Variants in GATC observed in about 807,000 individuals in gnomAD.
GATC encodes the protein glutamyl-tRNA amidotransferase subunit C, also known as glutamyl-tRNA(Gln) amidotransferase subunit C, mitochondrial.
In GATC, 11 loss-of-function variants were observed where a neutral mutation model predicts 14.4. The observed-to-expected ratio is 0.77, with a 90% CI of 0.48 to 1.27. The LOEUF (loss-of-function observed/expected upper bound fraction) is 1.27. Ranked by LOEUF, GATC falls within the 50% of genes most tolerant of loss-of-function variation. The pLI is 0.00. For missense variants in GATC, 204 were observed against 183.0 expected (o/e 1.11, Z -0.66); for synonymous variants, 76 against 79.3 (o/e 0.96, Z 0.22).
intron 2 of GATC, among the ~76,000 whole-genome samples, chr12:120,453,830 AAAC>A (rs145076050): frequency 0.26 from 38,378 of 150,418 alleles, 5,700 homozygotes; most frequent in East Asian, 0.49. Flanking sequence ...AAAAAAAGTA[AAAC>A]AACAACAACA....
At chr12:120,449,534 C>T (rs1488240624) in intron 2 of GATC, among the ~76,000 whole-genome samples, 2 of 152,158 alleles carry the variant, frequency 1.3e-5, no homozygotes, top group African/African-American at 4.8e-5. Flanking sequence ...ACTGCAACCT[C>T]TGCCTCCTGG....
intron 2 of GATC, chr12:120,454,955 T>TCC (rs1287630422): frequency 4.4e-6 from 2 of 449,598 alleles, no homozygotes; most frequent in Non-Finnish European, 8.9e-6. Flanking sequence ...TGGTGTGATC[T>TCC]CCGCTCACTA....
Position 120,446,655 on chromosome 12 carries a change from A to C in GATC, c.82-2A>C, listed in dbSNP as rs1877874952. ...ACACTCCCCGCCTCATCCCTCCTCCAGGGCAGTGGCCGGATCACGGCTGCG... is the reference window on the plus strand; with the variant it reads ...ACACTCCCCGCCTCATCCCTCCTCCCGGGCAGTGGCCGGATCACGGCTGCG... On this transcript the variant is annotated splice_acceptor_variant, in intron 1 of 3. Coordinates refer to ENST00000551765, the MANE Select transcript of GATC (RefSeq NM_176818.3). LOFTEE classifies it high-confidence loss of function. The C allele has an allele frequency of 6.2e-7, 1 of 1,610,236 alleles. No homozygotes were observed. The highest frequency in any genetic ancestry group is 8.5e-7 in the Non-Finnish European group (1 of 1,178,202).
intron 1 of GATC, 41 bp from the exon 2 acceptor site, chr12:120,446,616 A>T (rs764365523): frequency 1.3e-6 from 2 of 1,592,412 alleles, no homozygotes; most frequent in Non-Finnish European, 1.7e-6. Context: ...GGCACTTCGG[A>T]GCGCCGGTGA....
intron 3 of GATC, among the ~76,000 whole-genome samples, chr12:120,458,503 C>G (rs1286061882): frequency 1.3e-5 from 2 of 152,354 alleles, no homozygotes; most frequent in East Asian, 1.9e-4. Context: ...TTTACAACAG[C>G]TGGTATAGAG....
chr12:120,461,392 T>C lies in GATC; in HGVS notation c.*1433T>C, dbSNP rs1420653786. 6.6e-6 allele frequency: 1 copy of C among 152,204 alleles called. No homozygotes were observed. The highest frequency in any genetic ancestry group is 1.5e-5 in the Non-Finnish European group (1 of 68,042). 9.4% of individuals were successfully genotyped at this position (152,204 alleles called of 1,614,324 possible). On this transcript the variant is annotated 3_prime_UTR_variant, in exon 4 of 4. Coordinates refer to ENST00000551765, the MANE Select transcript of GATC (RefSeq NM_176818.3). ...GATCACAGGCAAAAGCCACCGTGTGTTTATTTTTCCCATTCCCTTCCTTTA... is the reference window on the plus strand; with the variant it reads ...GATCACAGGCAAAAGCCACCGTGTGCTTATTTTTCCCATTCCCTTCCTTTA...
intron 2 of GATC, among the ~76,000 whole-genome samples, chr12:120,447,491 CCTCTCTAGAT>C (rs1359696926): frequency 2.0e-5 from 3 of 152,084 alleles, no homozygotes; most frequent in Non-Finnish European, 2.9e-5. Flanking sequence ...AAGTTCTTTT[CCTCTCTAGAT>C]CTCTGCACTG....
rs1430790675 is a variant in GATC, at chr12:120,462,209, A to G, written c.*2250A>G. 2.6e-6 allele frequency: 4 copies of G among 1,559,496 alleles called. No individual in the cohort carries two copies. The Admixed American group carries it at 7.8e-5, about 31-fold the overall frequency. On this transcript the variant is annotated 3_prime_UTR_variant, in exon 4 of 4. Coordinates refer to ENST00000551765, the MANE Select transcript of GATC (RefSeq NM_176818.3). ...AAAGAGTAAAGGGGAAAAAAATCAGAGCCAGAAGAATAAGCAAACCAACAT... is the reference window on the plus strand; with the variant it reads ...AAAGAGTAAAGGGGAAAAAAATCAGGGCCAGAAGAATAAGCAAACCAACAT...
rs2137047863 is a variant in GATC at position 120,461,609 on chromosome 12, T to C, written c.*1650T>C. The C allele has an allele frequency of 6.5e-6, 1 of 154,070 alleles. No individual in the cohort carries two copies. The highest frequency in any genetic ancestry group is 1.4e-5 in the Non-Finnish European group (1 of 69,280). The allele number at this position is 154,070 out of a possible 1,614,324, so 9.5% of individuals were successfully genotyped here. On this transcript the variant is annotated 3_prime_UTR_variant, in exon 4 of 4. Transcript: ENST00000551765. The stretch of plus-strand genomic sequence containing the variant: ...GTTATGACTACAACTCAGTGATTTT[T>C]TAAATTAGTGTGCCTATTTGGTGAA...
intron 2 of GATC, among the ~76,000 whole-genome samples, chr12:120,449,163 C>T (rs1218349992): frequency 6.6e-6 from 1 of 151,566 alleles, no homozygotes; most frequent in Non-Finnish European, 1.5e-5. Flanking sequence ...GAGGTTTCAC[C>T]GTAGCCAAGA....
chr12:120,451,028 C>T (rs760651848), intron 2 of GATC, among the ~76,000 whole-genome samples: 5 of 149,774 alleles, frequency 3.3e-5, no homozygotes, highest in African/African-American at 1.2e-4. Context: ...CCTGTAATCC[C>T]GGCTACTCTG....
At chr12:120,447,944 G>A (rs552425513) in intron 2 of GATC, among the ~76,000 whole-genome samples, 6 of 151,956 alleles carry the variant, frequency 3.9e-5, no homozygotes, top group African/African-American at 1.4e-4. Flanking sequence ...TGATAGAGAC[G>A]GGATTTTGCC....
chr12:120,463,748 A>C lies in GATC; in HGVS notation c.*3789A>C, dbSNP rs1490870735. On this transcript the variant is annotated 3_prime_UTR_variant, in exon 4 of 4. Coordinates refer to ENST00000551765, the MANE Select transcript of GATC (RefSeq NM_176818.3). ...GCAGAATAAAGCATATTAAAAAACA[A>C]ACGTACCATGAATGCATACTTCTTT... 1 of 544,884 alleles carries C rather than the reference A, an allele frequency of 1.8e-6. No individual in the cohort carries two copies. Among genetic ancestry groups the C allele is most frequent in the Non-Finnish European group, 3.2e-6 (1 of 315,390 alleles). 33.8% of individuals were successfully genotyped at this position (544,884 alleles called of 1,614,324 possible).
At chr12:120,457,746 CA>C (rs1481389263) in intron 3 of GATC, among the ~76,000 whole-genome samples, 2 of 151,748 alleles carry the variant, frequency 1.3e-5, no homozygotes, top group African/African-American at 4.8e-5. Context: ...GCTGGGATTA[CA>C]GGCATGCACC....
At chr12:120,448,410 C>G (rs1877937837) in intron 2 of GATC, among the ~76,000 whole-genome samples, 1 of 149,280 alleles carries the variant, frequency 6.7e-6, no homozygotes, top group Non-Finnish European at 1.5e-5. Context: ...CTCACTGCAA[C>G]CTCCACCCTC....
intron 3 of GATC, among the ~76,000 whole-genome samples, chr12:120,457,941 A>C (rs1356023893): frequency 2.0e-5 from 2 of 97,902 alleles, no homozygotes; most frequent in Non-Finnish European, 4.2e-5. Flanking sequence ...ATCTTTGCCT[A>C]TGACATGATT....
chr12:120,455,377 C>T (rs552712646), intron 2 of GATC, among the ~76,000 whole-genome samples: 1 of 151,954 alleles, frequency 6.6e-6, no homozygotes, highest in African/African-American at 2.4e-5. Context: ...CCACGTTGCC[C>T]AGGCTGGTCT....
At chr12:120,446,962 C>G (rs1877887985) in intron 2 of GATC, 133 bp downstream of exon 2, 1 of 796,918 alleles carries the variant, frequency 1.3e-6, no homozygotes, top group African/African-American at 1.7e-5. Context: ...ACAGTCACCT[C>G]GCGAGTCAGT....
chr12:120,448,767 T>A (rs1419994686), intron 2 of GATC, among the ~76,000 whole-genome samples: 1 of 144,052 alleles, frequency 6.9e-6, no homozygotes, highest in Non-Finnish European at 1.5e-5. Flanking sequence ...TGCCTCAGCC[T>A]CCCGAGTAGC....
Sources: allele counts gnomAD v4.1 joint callset (sites outside exome capture counted in the v4.1 genomes callset), GRCh38; gene constraint gnomAD v4.1.1; transcripts MANE v1.5; gene names NCBI Gene and HGNC (gene_info 2026-07-23, HGNC 2026-07-21).